SORCS1: variants seen among roughly 807,000 people sequenced by gnomAD.
SORCS1 encodes sortilin related VPS10 domain containing receptor 1.
In SORCS1, 60 loss-of-function variants were observed where a neutral mutation model predicts 146.1. The ratio of observed to expected loss-of-function variants is 0.41; its 90% CI spans 0.33 to 0.51. The LOEUF is 0.51. Among genes scored for constraint, SORCS1 ranks in the 20% least tolerant of loss-of-function variants. The pLI, the probability that SORCS1 is intolerant of heterozygous loss-of-function variation, is 0.21. For missense variants in SORCS1, 1,352 were observed against 1,487.6 expected (o/e 0.91, Z 1.50); for synonymous variants, 637 against 584.0 (o/e 1.09, Z -1.31).
intron 2 of SORCS1, among the ~76,000 whole-genome samples, chr10:106,871,474 A>G (rs950274332): frequency 6.6e-6 from 1 of 152,238 alleles, no homozygotes; most frequent in African/African-American, 2.4e-5. Context: ...CACGATAGCA[A>G]AGACATGGAA....
intron 2 of SORCS1, among the ~76,000 whole-genome samples, chr10:106,858,394 C>T (rs372688886): frequency 3.3e-5 from 5 of 151,766 alleles, no homozygotes; most frequent in African/African-American, 7.3e-5. Context: ...CCGAGGCAGG[C>T]GGATCACGAG....
intron 15 of SORCS1, among the ~76,000 whole-genome samples, chr10:106,672,446 G>A (rs1041004157): frequency 1.3e-5 from 2 of 152,150 alleles, no homozygotes; most frequent in Non-Finnish European, 2.9e-5. Context: ...AGGGGAAGAA[G>A]GATTTCTCCG....
At chr10:106,717,701 C>T (rs1462165628) in intron 6 of SORCS1, among the ~76,000 whole-genome samples, 1 of 152,152 alleles carries the variant, frequency 6.6e-6, no homozygotes, top group Middle Eastern at 3.2e-3. Flanking sequence ...TAGGTTGGTG[C>T]AAAAAGTAAC....
intron 19 of SORCS1, among the ~76,000 whole-genome samples, chr10:106,628,776 T>A (rs1172929558): frequency 2.0e-5 from 3 of 152,122 alleles, no homozygotes; most frequent in Non-Finnish European, 4.4e-5. Context: ...ACAGAAATAA[T>A]CAGATGGGGA....
intron 18 of SORCS1, among the ~76,000 whole-genome samples, chr10:106,652,046 G>A (rs540726124): frequency 3.3e-5 from 5 of 152,268 alleles, no homozygotes; most frequent in South Asian, 2.1e-4. Flanking sequence ...GTATATGTAC[G>A]TATTAAATTA....
intron 1 of SORCS1, among the ~76,000 whole-genome samples, chr10:107,041,949 T>A (rs375175531): frequency 6.6e-6 from 1 of 152,176 alleles, no homozygotes; most frequent in African/African-American, 2.4e-5. Context: ...TGCAAATCTT[T>A]CTTAAATTAA....
At chr10:106,904,140 T>G (rs1951824042) in intron 2 of SORCS1, among the ~76,000 whole-genome samples, 1 of 152,246 alleles carries the variant, frequency 6.6e-6, no homozygotes, top group Non-Finnish European at 1.5e-5. Context: ...CAGAATACTT[T>G]CAGTAGTTGA....
intron 1 of SORCS1, chr10:106,970,187 A>G (rs1955702542): frequency 6.6e-6 from 1 of 152,148 alleles, no homozygotes; most frequent in South Asian, 2.1e-4. Flanking sequence ...TCCGATTACA[A>G]TACCATTCAA....
chr10:106,852,955 G>A (rs1949649429), intron 2 of SORCS1, among the ~76,000 whole-genome samples: 1 of 152,074 alleles, frequency 6.6e-6, no homozygotes, highest in Non-Finnish European at 1.5e-5. Context: ...TCATTGGGTG[G>A]TTTTTGATAT....
intron 1 of SORCS1, among the ~76,000 whole-genome samples, chr10:107,100,433 G>A (rs1214835497): frequency 1.3e-5 from 2 of 151,638 alleles, no homozygotes; most frequent in African/African-American, 4.9e-5. Context: ...AGAATGGTGT[G>A]AACCCGGGAG....
intron 1 of SORCS1, among the ~76,000 whole-genome samples, chr10:107,057,152 G>T (rs1263302740): frequency 6.6e-6 from 1 of 152,132 alleles, no homozygotes; most frequent in Non-Finnish European, 1.5e-5. Flanking sequence ...GACTAGAAAA[G>T]AATGAGATCA....
intron 18 of SORCS1, among the ~76,000 whole-genome samples, chr10:106,650,495 G>A (rs569938282): frequency 6.6e-6 from 1 of 152,148 alleles, no homozygotes; most frequent in African/African-American, 2.4e-5. Context: ...GTGTTACTTG[G>A]GTATTATGAA....
rs1564707314 is a variant in SORCS1, at chr10:106,829,591, G to A, written c.709C>T (p.Pro237Ser). ...TTTCTTACCTTACGCTTGTTGGTAGGACACACATAGAGATAGCTCAAAATG... is the reference window on the plus strand; with the variant it reads ...TTTCTTACCTTACGCTTGTTGGTAGAACACACATAGAGATAGCTCAAAATG... ...KTILSYLYVCPTNKRKIMLLT... is the reference protein window; with the variant it reads ...KTILSYLYVCSTNKRKIMLLT... The change falls in exon 3 of 26, where the codon CCT becomes TCT. Residue 237 changes from proline (P) to serine (S), a missense_variant. Physicochemically the swap from Pro to Ser is moderately conservative, Grantham distance 74. This residue lies in a region of SORCS1 where 490 missense variants were observed against 489.1 expected (regional missense o/e 1.00). Transcript: ENST00000263054. The A allele has an allele frequency of 2.5e-6, 4 of 1,595,180 alleles. No individual in the cohort carries two copies. Among genetic ancestry groups the A allele is most frequent in the Non-Finnish European group, 2.6e-6 (3 of 1,165,356 alleles).
At chr10:107,015,211 G>A (rs1343504328) in intron 1 of SORCS1, among the ~76,000 whole-genome samples, 1 of 152,182 alleles carries the variant, frequency 6.6e-6, no homozygotes, top group African/African-American at 2.4e-5. Context: ...ACATAGTACT[G>A]TTCTTCCCTT....
chr10:107,118,795 T>C (rs1966210419), intron 1 of SORCS1, among the ~76,000 whole-genome samples: 2 of 152,196 alleles, frequency 1.3e-5, no homozygotes, highest in South Asian at 4.1e-4. Context: ...TCTCCTCTAT[T>C]TCTGGGTACC....
At chr10:106,830,250 T>C (rs1367334792) in intron 2 of SORCS1, among the ~76,000 whole-genome samples, 2 of 152,180 alleles carry the variant, frequency 1.3e-5, no homozygotes, top group Non-Finnish European at 2.9e-5. Context: ...GGACATGACT[T>C]CTCGACACTG....
chr10:107,165,881 G>A (rs1970035068), upstream of SORCS1, among the ~76,000 whole-genome samples: 1 of 152,008 alleles, frequency 6.6e-6, no homozygotes, highest in African/African-American at 2.4e-5. The surrounding 1 kb of genome is among the most constrained non-coding windows in gnomAD (Gnocchi z 4.0). Context: ...AATCCCTTCC[G>A]CTCCTAAAAT....
At chr10:106,770,190 C>A (rs771700098) in intron 4 of SORCS1, among the ~76,000 whole-genome samples, 3 of 152,164 alleles carry the variant, frequency 2.0e-5, no homozygotes, top group Non-Finnish European at 4.4e-5. Flanking sequence ...GTATCTGACA[C>A]ATATGTACCA....
At chr10:107,096,103 G>T (rs1488518811) in intron 1 of SORCS1, among the ~76,000 whole-genome samples, 3 of 152,140 alleles carry the variant, frequency 2.0e-5, no homozygotes, top group Non-Finnish European at 4.4e-5. Context: ...AGTGGGCACG[G>T]TTACTCATGA....
Sources: allele counts gnomAD v4.1 joint callset (sites outside exome capture counted in the v4.1 genomes callset), GRCh38; gene constraint gnomAD v4.1.1; regional missense constraint gnomAD v4.1.1; non-coding constraint Gnocchi (gnomAD v3.1); transcripts MANE v1.5; gene names NCBI Gene and HGNC (gene_info 2026-07-23, HGNC 2026-07-21).